Variants in KLF8 observed in about 807,000 individuals in gnomAD.
KLF8 encodes KLF transcription factor 8, also known as Krueppel-like factor 8.
KLF8 carries 10 observed loss-of-function variants against 18.2 expected under a neutral mutation model. That is an observed-to-expected ratio of 0.55 (90% confidence interval 0.34 to 0.93). The LOEUF is 0.93. Among genes scored for constraint, KLF8 ranks in the 40% least tolerant of loss-of-function variants. The pLI is 0.02. For missense variants in KLF8, 264 were observed against 277.9 expected (o/e 0.95, Z 0.36); for synonymous variants, 109 against 97.3 (o/e 1.12, Z -0.71).
chrX:56,109,844 A>G, the KLF8 span, among the ~76,000 whole-genome samples: 9 of 110,297 alleles, frequency 8.2e-5, no homozygotes, highest in African/African-American at 3.0e-4. Context: ...TGTTACATAG[A>G]TAAACACGTG....
chrX:56,128,001 G>A, the KLF8 span, among the ~76,000 whole-genome samples: 2 of 112,051 alleles, frequency 1.8e-5, no homozygotes, highest in African/African-American at 3.2e-5. Context: ...AAGGATGACA[G>A]TGTCATCAGG....
the KLF8 span, among the ~76,000 whole-genome samples, chrX:56,017,394 C>T: frequency 2.7e-5 from 3 of 112,690 alleles, no homozygotes; most frequent in Admixed American, 9.4e-5. Flanking sequence ...AGCATTCTTT[C>T]TGCCCTGGAG....
At chrX:56,171,594 T>G in the KLF8 span, among the ~76,000 whole-genome samples, 6 of 111,271 alleles carry the variant, frequency 5.4e-5, no homozygotes, top group African/African-American at 2.0e-4. Context: ...CATTGTTAAA[T>G]TCCCACCTAT....
the KLF8 span, among the ~76,000 whole-genome samples, chrX:56,172,001 C>T: frequency 1.8e-5 from 2 of 111,505 alleles, no homozygotes; most frequent in Non-Finnish European, 3.8e-5. Context: ...AGTGTAAAAG[C>T]ATTCCTATTT....
the KLF8 span, among the ~76,000 whole-genome samples, chrX:56,151,253 AG>A: frequency 1.8e-5 from 2 of 111,477 alleles, no homozygotes; most frequent in African/African-American, 6.5e-5. Flanking sequence ...GGTTTAAGTA[AG>A]GTAGGGATGT....
the KLF8 span, among the ~76,000 whole-genome samples, chrX:56,168,474 C>A: frequency 1.8e-5 from 2 of 111,968 alleles, no homozygotes; most frequent in Middle Eastern, 4.6e-3. Context: ...TGTTTATGAC[C>A]TTTTACACAT....
the KLF8 span, among the ~76,000 whole-genome samples, chrX:56,090,077 G>A: frequency 8.1e-5 from 9 of 111,608 alleles, no homozygotes; most frequent in Non-Finnish European, 1.7e-4. Flanking sequence ...CACCTAATGG[G>A]GAAAAACAGA....
the KLF8 span, among the ~76,000 whole-genome samples, chrX:55,989,929 TG>T: frequency 8.3e-4 from 93 of 111,497 alleles, no homozygotes; most frequent in Non-Finnish European, 1.5e-3. Context: ...GGTTTAGTCT[TG>T]GGGGGGTGTA....
chrX:56,268,832 C>G, intron 3 of KLF8: 1 of 825,938 alleles, frequency 1.2e-6, no homozygotes, highest in Non-Finnish European at 1.5e-6. Flanking sequence ...CTTCTCCCAA[C>G]ATAGGTGGAA....
chrX:55,981,230 G>C, the KLF8 span, among the ~76,000 whole-genome samples: 1 of 111,889 alleles, frequency 8.9e-6, no homozygotes, highest in Admixed American at 9.5e-5. Context: ...TAATACCAAC[G>C]TTCAAAAGTA....
At chrX:55,948,762 C>A in the KLF8 span, among the ~76,000 whole-genome samples, 8 of 110,976 alleles carry the variant, frequency 7.2e-5, no homozygotes, top group African/African-American at 2.6e-4. Context: ...TAAGATCAGA[C>A]TTTGAAACTA....
At chrX:56,043,460 T>C in the KLF8 span, among the ~76,000 whole-genome samples, 3 of 111,680 alleles carry the variant, frequency 2.7e-5, no homozygotes, top group Non-Finnish European at 3.8e-5. Context: ...CAATCAGTGA[T>C]AGTTTCAGTG....
At chrX:56,008,385 A>G in the KLF8 span, among the ~76,000 whole-genome samples, 3 of 110,548 alleles carry the variant, frequency 2.7e-5, no homozygotes, top group African/African-American at 6.6e-5. Flanking sequence ...AGAATAAGGA[A>G]AAGCAGGGTG....
chrX:56,219,519 G>GA, the KLF8 span, among the ~76,000 whole-genome samples: 13 of 111,872 alleles, frequency 1.2e-4, no homozygotes, highest in Non-Finnish European at 2.4e-4. Flanking sequence ...TCCATAAATG[G>GA]AAAAAATGAA....
the KLF8 span, among the ~76,000 whole-genome samples, chrX:56,036,701 T>A: frequency 8.9e-6 from 1 of 111,896 alleles, no homozygotes; most frequent in Non-Finnish European, 1.9e-5. Context: ...AATTTAAAAT[T>A]TTTTTTCTTT....
the KLF8 span, among the ~76,000 whole-genome samples, chrX:56,084,831 C>CA: frequency 9.0e-6 from 1 of 111,573 alleles, no homozygotes; most frequent in Non-Finnish European, 1.9e-5. Context: ...GTGTTTAACA[C>CA]AAAAAAGGCA....
At chrX:56,193,079 G>A in the KLF8 span, among the ~76,000 whole-genome samples, 2 of 111,690 alleles carry the variant, frequency 1.8e-5, no homozygotes, top group Non-Finnish European at 3.8e-5. Context: ...TTCTGACAAG[G>A]GTTTGAGAAC....
chrX:56,113,646 A>G, the KLF8 span, among the ~76,000 whole-genome samples: 1 of 107,860 alleles, frequency 9.3e-6, no homozygotes, highest in Non-Finnish European at 1.9e-5. Context: ...CACAACACAA[A>G]CACGCACACA....
the KLF8 span, among the ~76,000 whole-genome samples, chrX:56,217,267 C>G: frequency 9.0e-6 from 1 of 111,327 alleles, no homozygotes; most frequent in Non-Finnish European, 1.9e-5. Context: ...CACTAGAAAC[C>G]AGCAATATGG....
Sources: allele counts gnomAD v4.1 joint callset (sites outside exome capture counted in the v4.1 genomes callset), GRCh38; gene constraint gnomAD v4.1.1; transcripts MANE v1.5; gene names NCBI Gene and HGNC (gene_info 2026-07-23, HGNC 2026-07-21).